NCAM2: variants seen among roughly 807,000 people sequenced by gnomAD.
The protein encoded by NCAM2 is N-CAM-2.
NCAM2 carries 30 observed loss-of-function variants against 98.1 expected under a neutral mutation model. The observed-to-expected ratio is 0.31, with a 90% CI of 0.23 to 0.41. The LOEUF is 0.41. Ranked by LOEUF, NCAM2 falls within the 10% of genes least tolerant of loss-of-function variation. The probability of loss-of-function intolerance (pLI) is 1.00; values close to 1 mark genes in which losing one functional copy is unlikely to be tolerated. For missense variants in NCAM2, 867 were observed against 1,005.8 expected (o/e 0.86, Z 1.87); for synonymous variants, 368 against 342.4 (o/e 1.07, Z -0.83).
intron 1 of NCAM2, among the ~76,000 whole-genome samples, chr21:21,070,935 T>C (rs186071856): frequency 3.9e-5 from 6 of 152,250 alleles, no homozygotes; most frequent in Admixed American, 3.3e-4. Context: ...CTAGGGAGCT[T>C]GTAAAATTGG....
In NCAM2 at chr21:21,136,566, A is replaced by G. The variant is rs138869363; in HGVS notation, c.55+137948A>G. Reference sequence around the variant, plus strand: ...AACCTCCACCTCCTGGGTTCAAGCAATTCTCCTGCCTTAGCCTCTGGAGTA... The same window carrying G: ...AACCTCCACCTCCTGGGTTCAAGCAGTTCTCCTGCCTTAGCCTCTGGAGTA... On this transcript the variant is annotated intron_variant, in intron 1 of 17. Coordinates refer to ENST00000400546, the MANE Select transcript of NCAM2 (RefSeq NM_004540.5). Among the ~76,000 whole-genome samples, 401 of 151,814 alleles carry G rather than the reference A, an allele frequency of 2.6e-3. 7 individuals carry two copies. The South Asian group carries it at 0.04, about 15-fold the overall frequency.
chr21:21,010,357 T>A (rs1006978544), intron 1 of NCAM2, among the ~76,000 whole-genome samples: 1 of 152,006 alleles, frequency 6.6e-6, no homozygotes, highest in African/African-American at 2.4e-5. Flanking sequence ...CACCACCACA[T>A]CCAAAATGGA....
At chr21:21,169,183 G>C (rs1186807295) in intron 1 of NCAM2, among the ~76,000 whole-genome samples, 1 of 152,028 alleles carries the variant, frequency 6.6e-6, no homozygotes, top group Non-Finnish European at 1.5e-5. Flanking sequence ...GTAATATACT[G>C]GAACAAATAC....
At chr21:21,397,829 G>A (rs553757700) in intron 9 of NCAM2, among the ~76,000 whole-genome samples, 3 of 152,330 alleles carry the variant, frequency 2.0e-5, no homozygotes, top group South Asian at 4.1e-4. Flanking sequence ...CTTCACAGTG[G>A]CTGCTCCAGA....
intron 1 of NCAM2, among the ~76,000 whole-genome samples, chr21:21,240,862 G>C (rs922227177): frequency 7.9e-5 from 12 of 152,172 alleles, no homozygotes; most frequent in Non-Finnish European, 1.6e-4. Context: ...ATATCTCACA[G>C]GATTTTGAGG....
intron 1 of NCAM2, among the ~76,000 whole-genome samples, chr21:21,186,314 A>G (rs1359147576): frequency 6.6e-6 from 1 of 152,206 alleles, no homozygotes; most frequent in Non-Finnish European, 1.5e-5. Context: ...AGAAAATTAT[A>G]AAATGTGATG....
intron 12 of NCAM2, among the ~76,000 whole-genome samples, chr21:21,462,806 A>G (rs1191632550): frequency 1.3e-5 from 2 of 152,108 alleles, no homozygotes; most frequent in African/African-American, 4.8e-5. Flanking sequence ...GCCGTGTTAA[A>G]GAAAAATTCA....
chr21:21,469,309 C>CA (rs746166113), intron 14 of NCAM2, among the ~76,000 whole-genome samples: 2 of 151,956 alleles, frequency 1.3e-5, no homozygotes, highest in African/African-American at 2.4e-5. Flanking sequence ...AAAAGCTGCA[C>CA]ACAGATTTTT....
At chr21:21,312,847 C>A (rs1601943931) in intron 5 of NCAM2, among the ~76,000 whole-genome samples, 1 of 151,892 alleles carries the variant, frequency 6.6e-6, no homozygotes, top group Non-Finnish European at 1.5e-5. Flanking sequence ...TGAGTCTGAA[C>A]ATTTCCTTTC....
intron 1 of NCAM2, among the ~76,000 whole-genome samples, chr21:21,118,874 A>T (rs2066616388): frequency 6.6e-6 from 1 of 152,138 alleles, no homozygotes; most frequent in Non-Finnish European, 1.5e-5. Context: ...TTTTCAGGTG[A>T]CTGTGTTGGC....
intron 1 of NCAM2, among the ~76,000 whole-genome samples, chr21:21,262,637 G>C (rs1025643526): frequency 2.0e-4 from 17 of 85,976 alleles, no homozygotes; most frequent in Non-Finnish European, 3.1e-4. Flanking sequence ...AATAGTGGAA[G>C]ACCTAGCCAG....
intron 1 of NCAM2, among the ~76,000 whole-genome samples, chr21:21,134,960 C>T (rs980404458): frequency 3.3e-5 from 5 of 151,860 alleles, no homozygotes; most frequent in South Asian, 2.1e-4. Flanking sequence ...ACTCGCTGGG[C>T]GCGGCGGCTC....
chr21:21,340,416 C>T (rs937265403), intron 8 of NCAM2, among the ~76,000 whole-genome samples: 8 of 151,792 alleles, frequency 5.3e-5, no homozygotes, highest in Admixed American at 2.6e-4. Context: ...TGGATCTATG[C>T]CTCAGGCCAC....
intron 1 of NCAM2, among the ~76,000 whole-genome samples, chr21:21,143,001 A>G (rs2826702): frequency 1.3e-5 from 2 of 151,890 alleles, no homozygotes; most frequent in African/African-American, 4.8e-5. Flanking sequence ...CTGGTCATAC[A>G]TCTTTATAAA....
intron 1 of NCAM2, among the ~76,000 whole-genome samples, chr21:21,147,732 G>A (rs1455732783): frequency 1.4e-5 from 2 of 147,632 alleles, no homozygotes; most frequent in Non-Finnish European, 3.0e-5. Flanking sequence ...ATAATATATA[G>A]TAATATAAAA....
chr21:21,300,389 A>C (rs1439771290), intron 5 of NCAM2, among the ~76,000 whole-genome samples: 1 of 152,100 alleles, frequency 6.6e-6, no homozygotes, highest in African/African-American at 2.4e-5. Flanking sequence ...CCAAACTATC[A>C]GTGCAGAAAA....
chr21:21,033,705 G>A (rs561361187), intron 1 of NCAM2, among the ~76,000 whole-genome samples: 24 of 152,222 alleles, frequency 1.6e-4, no homozygotes, highest in African/African-American at 5.5e-4. Context: ...TTATCTCAGA[G>A]CTGCCCTCAG....
At chr21:21,185,269 T>C (rs186414574) in intron 1 of NCAM2, among the ~76,000 whole-genome samples, 121 of 152,288 alleles carry the variant, frequency 7.9e-4, no homozygotes, top group African/African-American at 2.8e-3. Context: ...GTTGTAGATG[T>C]CATTTTTGTT....
Position 21,538,949 on chromosome 21 carries a change from AC to A in NCAM2, c.*994del, listed in dbSNP as rs964127688. 1.1e-4 allele frequency: 17 copies of A among 152,296 alleles called. No homozygotes were observed. The highest frequency in any genetic ancestry group is 6.8e-3 in the Middle Eastern group (2 of 294). 9.4% of individuals were successfully genotyped at this position (152,296 alleles called of 1,614,324 possible). On this transcript the variant is annotated 3_prime_UTR_variant, in exon 18 of 18. Coordinates refer to ENST00000400546, the MANE Select transcript of NCAM2 (RefSeq NM_004540.5). The stretch of plus-strand genomic sequence containing the variant: ...CTAATTTTACCACTGTTATAGGTTC[AC>A]CATTAAATATAATTGGCTAATAAAA...
Sources: allele counts gnomAD v4.1 joint callset (sites outside exome capture counted in the v4.1 genomes callset), GRCh38; gene constraint gnomAD v4.1.1; transcripts MANE v1.5; gene names NCBI Gene and HGNC (gene_info 2026-07-23, HGNC 2026-07-21).